EML6: variants seen among roughly 807,000 people sequenced by gnomAD.
EML6 encodes the protein EMAP like 6.
EML6 carries 154 observed loss-of-function variants against 240.1 expected under a neutral mutation model. The observed-to-expected ratio is 0.64, with a 90% CI of 0.56 to 0.73. The LOEUF (loss-of-function observed/expected upper bound fraction) is 0.73, where lower values mean the gene tolerates loss of function less well. Among genes scored for constraint, EML6 ranks in the 30% least tolerant of loss-of-function variants. The probability of loss-of-function intolerance (pLI) is 0.00; values close to 1 mark genes in which losing one functional copy is unlikely to be tolerated. For missense variants in EML6, 2,964 were observed against 2,474.6 expected (o/e 1.20, Z -4.20); for synonymous variants, 1,148 against 899.0 (o/e 1.28, Z -4.95).
At chr2:54,728,973 C>T (rs575143001) in intron 2 of EML6, among the ~76,000 whole-genome samples, 2 of 152,188 alleles carry the variant, frequency 1.3e-5, no homozygotes, top group South Asian at 4.1e-4. Context: ...CCAGCCGCAC[C>T]CCTCCAATGG....
Position 54,844,237 on chromosome 2 carries a change from C to T in EML6, c.1038C>T (p.Asp346=), listed in dbSNP as rs1558603366. The T allele has an allele frequency of 6.4e-7, 1 of 1,551,450 alleles. No homozygotes were observed. Among genetic ancestry groups the T allele is most frequent in the Non-Finnish European group, 8.7e-7 (1 of 1,146,756 alleles). ...CTCTGGCTGTGACAGGCAGCGATGACCGCTCTGTCAGGTGAGGCCCTACCG... is the reference window on the plus strand; with the variant it reads ...CTCTGGCTGTGACAGGCAGCGATGATCGCTCTGTCAGGTGAGGCCCTACCG... The part of the protein sequence containing the change: ...KKPLAVTGSD[D]RSVRLWSLAD... The change falls in exon 8 of 42, where the codon GAC becomes GAT. Residue 346 remains aspartate (D), a synonymous_variant. Transcript: ENST00000356458.
chr2:54,887,403 C>G (rs1672206360), intron 17 of EML6, among the ~76,000 whole-genome samples: 2 of 152,158 alleles, frequency 1.3e-5, no homozygotes, highest in African/African-American at 4.8e-5. Flanking sequence ...GAAAGTGATT[C>G]TTTAAATGTT....
At chr2:54,828,633 C>G (rs1400500912) in intron 6 of EML6, among the ~76,000 whole-genome samples, 1 of 152,144 alleles carries the variant, frequency 6.6e-6, no homozygotes, top group Non-Finnish European at 1.5e-5. Context: ...TATGAAACAG[C>G]TCTTAAAATA....
chr2:54,884,018 A>G (rs575446090), intron 17 of EML6, among the ~76,000 whole-genome samples: 4 of 152,176 alleles, frequency 2.6e-5, no homozygotes, highest in African/African-American at 9.6e-5. Flanking sequence ...ACTTGTGGGG[A>G]TTTCTCCCCA....
Position 54,725,108 on chromosome 2 carries a change from T to G in EML6, c.47T>G (p.Val16Gly), listed in dbSNP as rs1272899229. 6.5e-7 allele frequency: 1 copy of G among 1,537,846 alleles called. No individual in the cohort carries two copies. The highest frequency in any genetic ancestry group is 2.0e-5 in the Admixed American group (1 of 50,126). The part of the protein sequence containing the change: ...APRCQLRLEW[V>G]YGYRGHQCRN... ...CGCTGCCAGCTCCGGCTGGAGTGGG[T>G]GTACGGGTACCGGGGTCACCAGTGC... Residue 16 changes from valine to glycine, a missense_variant, in exon 2 of 42, where the codon GTG (valine) becomes GGG (glycine). Physicochemically the swap from Val to Gly is moderately radical, Grantham distance 109. Transcript: ENST00000356458. This position sits in a 1 kb window ranked among gnomAD's most constrained non-coding sequence, Gnocchi z 4.3.
chr2:54,759,633 TA>T (rs992282875), intron 2 of EML6, among the ~76,000 whole-genome samples: 1 of 152,040 alleles, frequency 6.6e-6, no homozygotes, highest in African/African-American at 2.4e-5. Flanking sequence ...TTAAAAACTC[TA>T]AAAACTTTAC....
chr2:54,771,941 T>C lies in EML6; in HGVS notation c.198-41291T>C, dbSNP rs193015058. Among the ~76,000 whole-genome samples, 42 of 152,360 alleles carry C rather than the reference T, an allele frequency of 2.8e-4. 1 individual carries two copies. Among genetic ancestry groups the C allele is most frequent in the Middle Eastern group, 3.4e-3 (1 of 294 alleles). On this transcript the variant is annotated intron_variant, in intron 2 of 41. Transcript: ENST00000356458. The stretch of plus-strand genomic sequence containing the variant: ...GGGATCTCTCCTACTCAGTGTTAAC[T>C]AGGACCCTGTAGGCTATACAAACTA...
At chr2:54,946,109 C>T (rs1018837525) in intron 28 of EML6, among the ~76,000 whole-genome samples, 9 of 152,230 alleles carry the variant, frequency 5.9e-5, no homozygotes, top group Non-Finnish European at 1.2e-4. Flanking sequence ...GCCACCCTCT[C>T]TCCTGATTAT....
intron 2 of EML6, among the ~76,000 whole-genome samples, chr2:54,752,977 C>T (rs1199530878): frequency 3.9e-5 from 6 of 152,106 alleles, no homozygotes; most frequent in East Asian, 1.9e-4. Flanking sequence ...TTAGTAGAGG[C>T]GGGGTTTCAC....
intron 2 of EML6, among the ~76,000 whole-genome samples, chr2:54,775,369 G>A (rs757855660): frequency 2.3e-4 from 35 of 152,106 alleles, no homozygotes; most frequent in African/African-American, 1.4e-4. Context: ...GATAAACCAA[G>A]CAAGTGTCTG....
At chr2:54,937,168 C>T (rs1361717086) in intron 28 of EML6, among the ~76,000 whole-genome samples, 1 of 151,652 alleles carries the variant, frequency 6.6e-6, no homozygotes, top group Non-Finnish European at 1.5e-5. Flanking sequence ...ATCCCAGCTA[C>T]TTGAGAGGCT....
At chr2:54,949,953 C>G (rs13397708) in intron 29 of EML6, among the ~76,000 whole-genome samples, 2 of 152,226 alleles carry the variant, frequency 1.3e-5, no homozygotes, top group African/African-American at 4.8e-5. Context: ...TTTCCTGATG[C>G]TTCTCACCCT....
chr2:54,919,104 A>G (rs185124844), intron 26 of EML6, among the ~76,000 whole-genome samples: 75 of 152,256 alleles, frequency 4.9e-4, no homozygotes, highest in African/African-American at 1.6e-3. Flanking sequence ...GAAGGCACCT[A>G]TACTCACGTA....
At chr2:54,953,947 C>T (rs1263568437) in intron 31 of EML6, 36 bp from the exon 32 acceptor site, 1 of 1,490,692 alleles carries the variant, frequency 6.7e-7, no homozygotes, top group Non-Finnish European at 9.1e-7. Flanking sequence ...TGCCATTTGT[C>T]AGCCTTACTT....
intron 2 of EML6, among the ~76,000 whole-genome samples, chr2:54,805,163 G>A (rs77005310): frequency 0.012 from 1,804 of 152,206 alleles, 37 homozygotes; most frequent in African/African-American, 0.042. Context: ...TTCTGTTTAT[G>A]GCTGAGAACA....
chr2:54,892,493 T>C lies in EML6; in HGVS notation c.2579T>C (p.Val860Ala). 6.4e-7 allele frequency: 1 copy of C among 1,551,362 alleles called. No homozygotes were observed. The highest frequency in any genetic ancestry group is 8.7e-7 in the Non-Finnish European group (1 of 1,146,778). ...TCTAAAAGAGGAACTTTTGGAAGCG[T>C]TGGAAAATTGGAAACAATGATGTGT... ...FTSKRGTFGS[V>A]GKLETMMCVS... is the part of the protein sequence containing the mutation. Residue 860 changes from valine to alanine, a missense_variant, in exon 19 of 42, where the codon GTT becomes GCT. Coordinates refer to ENST00000356458, the MANE Select transcript of EML6 (RefSeq NM_001039753.4).
chr2:54,843,645 C>G (rs1346229019), intron 7 of EML6, among the ~76,000 whole-genome samples: 1 of 151,978 alleles, frequency 6.6e-6, no homozygotes, highest in Non-Finnish European at 1.5e-5. Context: ...GAGATCGAGA[C>G]CATCCTGGCT....
At chr2:54,861,173 A>C (rs571082821) in intron 12 of EML6, among the ~76,000 whole-genome samples, 40 of 152,318 alleles carry the variant, frequency 2.6e-4, no homozygotes, top group African/African-American at 8.4e-4. Flanking sequence ...AGAGCTCAGC[A>C]CTTCATGAGC....
chr2:54,830,722 T>G lies in EML6; in HGVS notation c.847+1245T>G, dbSNP rs111965416. On this transcript the variant is annotated intron_variant, in intron 7 of 41. Transcript: ENST00000356458. ...AATAGTGTTGTTTGCAGCAAAACTT[T>G]GCCAACAGTTGAGCAACAGGGAAAT... 3.3e-4 allele frequency among the ~76,000 whole-genome samples: 50 copies of G among 152,344 alleles called. 1 individual carries two copies. Among genetic ancestry groups the G allele is most frequent in the African/African-American group, 1.1e-3 (45 of 41,578 alleles).
Sources: allele counts gnomAD v4.1 joint callset (sites outside exome capture counted in the v4.1 genomes callset), GRCh38; gene constraint gnomAD v4.1.1; non-coding constraint Gnocchi (gnomAD v3.1); transcripts MANE v1.5; gene names NCBI Gene and HGNC (gene_info 2026-07-23, HGNC 2026-07-21).